Variants in ACADL observed in about 807,000 individuals in gnomAD.
ACADL encodes acyl-CoA dehydrogenase long chain.
A neutral mutation model predicts 56.9 loss-of-function variants in ACADL; 60 were observed. The ratio of observed to expected loss-of-function variants is 1.05; its 90% CI spans 0.86 to 1.31. The LOEUF is 1.31. Among genes scored for constraint, ACADL ranks in the 50% most tolerant of loss-of-function variants. The probability of loss-of-function intolerance (pLI) is 0.00; values close to 1 mark genes in which losing one functional copy is unlikely to be tolerated. For synonymous variants in ACADL, 158 were observed against 179.7 expected (o/e 0.88, Z 0.97); for missense variants, 484 against 525.5 (o/e 0.92, Z 0.77).
chr2:210,221,736 T>G (rs1291302476), intron 1 of ACADL, among the ~76,000 whole-genome samples: 1 of 151,644 alleles, frequency 6.6e-6, no homozygotes, highest in East Asian at 1.9e-4. Flanking sequence ...CCTTTTTTTT[T>G]TTTTTTGTTT....
chr2:210,202,592 C>T (rs1478123380), intron 8 of ACADL, among the ~76,000 whole-genome samples: 9 of 152,124 alleles, frequency 5.9e-5, no homozygotes, highest in Admixed American at 2.0e-4. Context: ...AAAGACCTTA[C>T]GCAGTTGATT....
chr2:210,213,487 C>T (rs952182408), intron 4 of ACADL, among the ~76,000 whole-genome samples: 4 of 150,210 alleles, frequency 2.7e-5, no homozygotes, highest in Middle Eastern at 3.4e-3. Flanking sequence ...GTGACAAGAG[C>T]GAGACTGTTT....
intron 8 of ACADL, among the ~76,000 whole-genome samples, chr2:210,200,156 A>T (rs5000481): frequency 0.39 from 58,752 of 151,562 alleles, 13,102 homozygotes; most frequent in Middle Eastern, 0.55. Flanking sequence ...TCAGAGTGAT[A>T]TCAAGTGGTA....
At chr2:210,214,512 A>AAGAAAGAAAGAAAGAAAAG in intron 4 of ACADL, among the ~76,000 whole-genome samples, 1 of 149,254 alleles carries the variant, frequency 6.7e-6, no homozygotes, top group African/African-American at 2.4e-5. Flanking sequence ...AGAAAGAAAA[A>AAGAAAGAAAGAAAGAAAAG]GAAAGAAAGA....
chr2:210,221,975 C>G (rs1689182828), intron 1 of ACADL, among the ~76,000 whole-genome samples: 1 of 152,110 alleles, frequency 6.6e-6, no homozygotes, highest in African/African-American at 2.4e-5. Context: ...AGTGATACAC[C>G]CATCTCAGCT....
intron 8 of ACADL, among the ~76,000 whole-genome samples, chr2:210,199,498 T>C (rs186618275): frequency 3.8e-4 from 58 of 152,264 alleles, no homozygotes; most frequent in African/African-American, 1.4e-3. Context: ...TAAAAGAATA[T>C]TTTTCCCCTA....
chr2:210,194,936 CTT>C (rs1033455388), intron 9 of ACADL, among the ~76,000 whole-genome samples: 1 of 152,148 alleles, frequency 6.6e-6, no homozygotes, highest in African/African-American at 2.4e-5. Flanking sequence ...TTTTCCCACT[CTT>C]AATATTTTAT....
chr2:210,203,577 T>G, intron 7 of ACADL, 133 bp from the exon 8 acceptor site: 1 of 603,702 alleles, frequency 1.7e-6, no homozygotes, highest in Admixed American at 3.0e-5. Context: ...CTTAACTCCT[T>G]ATAAGAAAAC....
chr2:210,208,837 C>T (rs899990121), intron 5 of ACADL, among the ~76,000 whole-genome samples: 1 of 152,072 alleles, frequency 6.6e-6, no homozygotes, highest in African/African-American at 2.4e-5. Context: ...ATTTGCTTAC[C>T]CATTCCTTTA....
intron 1 of ACADL, among the ~76,000 whole-genome samples, chr2:210,222,131 G>A (rs1011756775): frequency 6.6e-6 from 1 of 152,106 alleles, no homozygotes; most frequent in Non-Finnish European, 1.5e-5. Flanking sequence ...TTCTGTGCCA[G>A]GCACTGTTCT....
At chr2:210,207,225 T>G (rs1330394036) in intron 5 of ACADL, among the ~76,000 whole-genome samples, 23 of 152,150 alleles carry the variant, frequency 1.5e-4, no homozygotes, top group Admixed American at 1.5e-3. Context: ...GTCAAAGAGA[T>G]TTTTCTAAAT....
In ACADL at chr2:210,216,418, C is replaced by T. The variant is rs760472931; in HGVS notation, c.465G>A (p.Lys155=). 6.8e-6 allele frequency: 11 copies of T among 1,613,868 alleles called. No individual in the cohort carries two copies. Among genetic ancestry groups the T allele is most frequent in the South Asian group, 1.1e-5 (1 of 91,076 alleles). ...ITNHGSEEQI[K]HFIPQMTAGK... is the part of the protein sequence containing the mutation. ...CTGCAGTCATCTGGGGAATAAAGTG[C>T]TTAATCTGTTCTTCTGAGCCATGGT... The change falls in exon 4 of 11, where the codon AAG becomes AAA. Residue 155 remains lysine (K), a synonymous_variant. Transcript: ENST00000233710.
intron 4 of ACADL, among the ~76,000 whole-genome samples, chr2:210,212,466 C>G (rs1325232716): frequency 1.3e-5 from 2 of 151,940 alleles, no homozygotes; most frequent in African/African-American, 4.8e-5. Context: ...AGGAGTGGAT[C>G]CTCCCCTATA....
intron 8 of ACADL, among the ~76,000 whole-genome samples, 174 bp downstream of exon 8, chr2:210,203,157 G>A (rs983634693): frequency 1.3e-5 from 2 of 152,128 alleles, no homozygotes; most frequent in African/African-American, 4.8e-5. Context: ...CAAGGACTGT[G>A]TCCTAAGACC....
Position 210,218,113 on chromosome 2 carries a change from C to A in ACADL, c.234-11G>T. The A allele has an allele frequency of 6.2e-7, 1 of 1,610,804 alleles. No individual in the cohort carries two copies. Among genetic ancestry groups the A allele is most frequent in the Non-Finnish European group, 8.5e-7 (1 of 1,178,014 alleles). ...CCAGCTTTCTCCCATCTGCAAATAA[C>A]AAATATTTTAAATTCAGATAATTTT... On this transcript the variant is annotated splice_polypyrimidine_tract_variant and intron_variant, in intron 2 of 10. Coordinates refer to ENST00000233710, the MANE Select transcript of ACADL (RefSeq NM_001608.4).
At chr2:210,223,322 G>A (rs1188728805) in intron 1 of ACADL, among the ~76,000 whole-genome samples, 1 of 152,174 alleles carries the variant, frequency 6.6e-6, no homozygotes, top group Admixed American at 6.5e-5. Context: ...GCAATAAACT[G>A]CAACTAATCT....
Position 210,218,109 on chromosome 2 carries a change from A to G in ACADL, c.234-7T>C, listed in dbSNP as rs1462242072. 6.2e-7 allele frequency: 1 copy of G among 1,612,172 alleles called. No individual in the cohort carries two copies. Among genetic ancestry groups the G allele is most frequent in the Non-Finnish European group, 8.5e-7 (1 of 1,178,838 alleles). ...TTCTCCAGCTTTCTCCCATCTGCAAATAACAAATATTTTAAATTCAGATAA... is the reference window on the plus strand; with the variant it reads ...TTCTCCAGCTTTCTCCCATCTGCAAGTAACAAATATTTTAAATTCAGATAA... On this transcript the variant is annotated splice_polypyrimidine_tract_variant and splice_region_variant and intron_variant, in intron 2 of 10. Transcript: ENST00000233710.
chr2:210,203,238 A>T, intron 8 of ACADL, 93 bp downstream of exon 8: 2 of 826,356 alleles, frequency 2.4e-6, no homozygotes, highest in Non-Finnish European at 4.1e-6. Context: ...ATATCACCTT[A>T]CATGAAAATA....
chr2:210,212,257 T>C lies in ACADL; in HGVS notation c.537-1995A>G, dbSNP rs544459685. On this transcript the variant is annotated intron_variant, in intron 4 of 10. Transcript: ENST00000233710. ...AAAAGAATCTTGCAGATGTGATTAA[T>C]TTAAGGATGTTGTGATAGAGAGACT... is the stretch of plus-strand genomic sequence containing the variant. Among the ~76,000 whole-genome samples, 27 of 152,296 alleles carry C rather than the reference T, an allele frequency of 1.8e-4. No individual in the cohort carries two copies. In the South Asian group the frequency reaches 5.6e-3, roughly 32 times the overall value.
Sources: allele counts gnomAD v4.1 joint callset (sites outside exome capture counted in the v4.1 genomes callset), GRCh38; gene constraint gnomAD v4.1.1; transcripts MANE v1.5; gene names NCBI Gene and HGNC (gene_info 2026-07-23, HGNC 2026-07-21).